ANKRD30A: variants seen among roughly 807,000 people sequenced by gnomAD.
The protein encoded by ANKRD30A is ankyrin repeat domain-containing protein 30A.
ANKRD30A carries 170 observed loss-of-function variants against 166.3 expected under a neutral mutation model. The observed-to-expected ratio is 1.02, with a 90% confidence interval of 0.90 to 1.16. The LOEUF (loss-of-function observed/expected upper bound fraction) is 1.16, where lower values mean the gene tolerates loss of function less well. Among genes scored for constraint, ANKRD30A ranks in the 50% most tolerant of loss-of-function variants. ANKRD30A has a pLI of 0.00. For synonymous variants in ANKRD30A, 564 were observed against 508.9 expected (o/e 1.11, Z -1.46); for missense variants, 1,630 against 1,518.0 (o/e 1.07, Z -1.23).
the ANKRD30A span, among the ~76,000 whole-genome samples, chr10:37,244,222 A>G: frequency 1.3e-5 from 2 of 152,308 alleles, no homozygotes; most frequent in Non-Finnish European, 2.9e-5. Flanking sequence ...AATCTAAATT[A>G]GAAGTGTTTG....
rs565622674 is a variant in ANKRD30A, at chr10:37,154,526, T to A, written c.1798+864T>A. ...TATGGTGTTCTCAATTTTGAGGATG[T>A]TTTTAGTCAGGGGAGAAGAAGAAAG... On this transcript the variant is annotated intron_variant, in intron 13 of 35. Transcript: ENST00000361713. 1.4e-3 allele frequency among the ~76,000 whole-genome samples: 211 copies of A among 152,200 alleles called. 1 individual carries two copies. The highest frequency in any genetic ancestry group is 5.0e-3 in the African/African-American group (206 of 41,512).
At chr10:37,178,341 A>G (rs1564527633) in intron 24 of ANKRD30A, 1 of 249,510 alleles carries the variant, frequency 4.0e-6, no homozygotes, top group Non-Finnish European at 6.5e-6. Context: ...ACACATGTAT[A>G]TAAATTGTCA....
At chr10:37,149,513 A>G in intron 9 of ANKRD30A, 138 bp from the exon 10 acceptor site, 1 of 1,097,280 alleles carries the variant, frequency 9.1e-7, no homozygotes, top group Non-Finnish European at 1.3e-6. Flanking sequence ...TAAACAAACC[A>G]AAAGAAAACT....
At chr10:37,172,006 A>C (rs1293139272) in intron 21 of ANKRD30A, among the ~76,000 whole-genome samples, 4 of 146,088 alleles carry the variant, frequency 2.7e-5, no homozygotes, top group African/African-American at 7.6e-5. Context: ...GTTGTCAACC[A>C]CATTACTTTA....
At chr10:37,251,964 C>G in the ANKRD30A span, among the ~76,000 whole-genome samples, 4 of 152,100 alleles carry the variant, frequency 2.6e-5, no homozygotes, top group Non-Finnish European at 5.9e-5. Context: ...AAAACTGATT[C>G]GAGGTTAAAA....
rs1358990465 is a variant in ANKRD30A, at chr10:37,217,789, AG to A, written c.3180del (p.Glu1062SerfsTer2). On this transcript the variant is annotated frameshift_variant, in exon 33 of 36. Coordinates refer to ENST00000361713, the MANE Select transcript of ANKRD30A (RefSeq NM_052997.3). LOFTEE classifies it high-confidence loss of function. ...ATTAGGAAGAATCGAAGAGCAGCATAGGAAAGAGTTAGAAGTGAAACAACAA... is the reference window on the plus strand; with the variant it reads ...ATTAGGAAGAATCGAAGAGCAGCATAGAAAGAGTTAGAAGTGAAACAACAA... ...EELGRIEEQH[R>X]KELEVKQQLE... 1 of 1,600,798 alleles carries A rather than the reference AG, an allele frequency of 6.2e-7. No homozygotes were observed. The highest frequency in any genetic ancestry group is 1.1e-5 in the South Asian group (1 of 89,602).
chr10:37,246,281 T>C, the ANKRD30A span, among the ~76,000 whole-genome samples: 1 of 152,206 alleles, frequency 6.6e-6, no homozygotes, highest in South Asian at 2.1e-4. Flanking sequence ...TAAGAAACCA[T>C]TTGTTACTTG....
chr10:37,258,296 TAAATGTATTTGA>T, the ANKRD30A span, among the ~76,000 whole-genome samples: 1 of 152,316 alleles, frequency 6.6e-6, no homozygotes, highest in South Asian at 2.1e-4. Context: ...AAGCTAATTT[TAAATGTATTTGA>T]AAATTTAAAA....
chr10:37,193,717 C>T (rs749286673), intron 27 of ANKRD30A, among the ~76,000 whole-genome samples: 2 of 151,822 alleles, frequency 1.3e-5, no homozygotes, highest in Non-Finnish European at 2.9e-5. Flanking sequence ...GTTTGTGTGA[C>T]TTATAATTTT....
chr10:37,254,683 C>CTTTTTTTTTTTTTTTTTTTTTT, the ANKRD30A span, among the ~76,000 whole-genome samples: 2 of 126,530 alleles, frequency 1.6e-5, no homozygotes, highest in Non-Finnish European at 1.7e-5. Context: ...CTTTTCTTTT[C>CTTTTTTTTTTTTTTTTTTTTTT]TTTTTTTTTT....
chr10:37,201,135 A>G, intron 30 of ANKRD30A, 100 bp from the exon 31 acceptor site: 1 of 957,884 alleles, frequency 1.0e-6, no homozygotes, highest in East Asian at 3.6e-5. Flanking sequence ...CTTGCAAAAT[A>G]GGACTTTTTT....
Position 37,219,420 on chromosome 10 carries a change from T to C in ANKRD30A, c.3708T>C (p.Asn1236=), listed in dbSNP as rs1183301070. The C allele has an allele frequency of 1.2e-6, 2 of 1,610,524 alleles. No homozygotes were observed. Among genetic ancestry groups the C allele is most frequent in the South Asian group, 1.1e-5 (1 of 90,980 alleles). ...ATGCTTGTTTGCAAAGAAAAATGAATGTTGATGTGAGTAGTACGATATATA... is the reference window on the plus strand; with the variant it reads ...ATGCTTGTTTGCAAAGAAAAATGAACGTTGATGTGAGTAGTACGATATATA... The part of the protein sequence containing the change: ...AGDACLQRKM[N]VDVSSTIYNN... Residue 1236 remains asparagine, a synonymous_variant, in exon 34 of 36, where the codon AAT becomes AAC. Transcript: ENST00000361713.
chr10:37,159,548 C>T (rs565125278), intron 15 of ANKRD30A, among the ~76,000 whole-genome samples: 1 of 152,218 alleles, frequency 6.6e-6, no homozygotes, highest in African/African-American at 2.4e-5. Context: ...AAACTCACAA[C>T]ATGTATGTGG....
intron 34 of ANKRD30A, among the ~76,000 whole-genome samples, chr10:37,228,609 CCT>C (rs1267761928): frequency 6.6e-5 from 10 of 151,876 alleles, no homozygotes; most frequent in Admixed American, 2.0e-4. Context: ...TCTTTGCTTC[CCT>C]GTCTTACTGA....
chr10:37,193,140 G>A lies in ANKRD30A; in HGVS notation c.2542-46G>A, dbSNP rs185713895. 4.4e-6 allele frequency: 7 copies of A among 1,605,250 alleles called. No homozygotes were observed. In the Admixed American group the frequency reaches 1.2e-4, roughly 27 times the overall value. On this transcript the variant is annotated intron_variant, in intron 26 of 35. Coordinates refer to ENST00000361713, the MANE Select transcript of ANKRD30A (RefSeq NM_052997.3). The stretch of plus-strand genomic sequence containing the variant: ...CTTGAGTATTAACTACATATTTTAT[G>A]AAGTATACATTGTATATTAATTGTT...
chr10:37,206,204 G>C (rs1026292275), intron 31 of ANKRD30A, among the ~76,000 whole-genome samples: 1 of 152,190 alleles, frequency 6.6e-6, no homozygotes, highest in South Asian at 2.1e-4. Context: ...TGAAGTGGGA[G>C]GGGGGAAGAA....
At chr10:37,222,219 G>A (rs1251067973) in intron 34 of ANKRD30A, among the ~76,000 whole-genome samples, 1 of 151,092 alleles carries the variant, frequency 6.6e-6, no homozygotes, top group Non-Finnish European at 1.5e-5. Context: ...TCACCCTAAA[G>A]AGAAACTTCA....
chr10:37,220,829 G>A (rs1231437766), intron 34 of ANKRD30A, among the ~76,000 whole-genome samples: 1 of 151,062 alleles, frequency 6.6e-6, no homozygotes, highest in Non-Finnish European at 1.5e-5. Context: ...GAGAAACACA[G>A]CAGCTGAGGT....
At chr10:37,216,013 G>C (rs1163717201) in intron 31 of ANKRD30A, among the ~76,000 whole-genome samples, 168 bp from the exon 32 acceptor site, 3 of 150,912 alleles carry the variant, frequency 2.0e-5, no homozygotes, top group Admixed American at 1.3e-4. Context: ...TAAACAAGAG[G>C]AGAGGTTTTT....
Sources: gnomAD v4.1 joint callset for allele counts (sites outside exome capture counted in the v4.1 genomes callset) on GRCh38, gnomAD v4.1.1 for gene constraint, MANE v1.5 for transcripts, NCBI Gene and HGNC (gene_info 2026-07-23, HGNC 2026-07-21) for gene names.